Variants in COL21A1 observed in about 807,000 individuals in gnomAD.
The protein encoded by COL21A1 is collagen alpha-1(XXI) chain.
Under a neutral mutation model 137.9 loss-of-function variants are expected in COL21A1, and 149 were observed. The ratio of observed to expected loss-of-function variants is 1.08; its 90% CI spans 0.95 to 1.24. The LOEUF is 1.24. Among genes scored for constraint, COL21A1 ranks in the 50% most tolerant of loss-of-function variants. The pLI is 0.00. For synonymous variants in COL21A1, 456 were observed against 391.5 expected (o/e 1.16, Z -1.95); for missense variants, 1,167 against 1,158.4 (o/e 1.01, Z -0.11).
chr6:56,296,586 CTCTGGGT>C (rs1265351261), intron 1 of COL21A1, among the ~76,000 whole-genome samples: 1 of 152,012 alleles, frequency 6.6e-6, no homozygotes, highest in Non-Finnish European at 1.5e-5. Flanking sequence ...GTTTCATTCA[CTCTGGGT>C]TGTTAACATA....
intron 3 of COL21A1, among the ~76,000 whole-genome samples, chr6:56,177,327 T>C (rs1777562412): frequency 6.6e-6 from 1 of 152,126 alleles, no homozygotes; most frequent in Non-Finnish European, 1.5e-5. Flanking sequence ...ATAAACAGTA[T>C]TAGGAAATGG....
At chr6:56,342,549 T>G (rs143044820) in intron 1 of COL21A1, among the ~76,000 whole-genome samples, 133 of 152,330 alleles carry the variant, frequency 8.7e-4, no homozygotes, top group Non-Finnish European at 1.6e-3. Flanking sequence ...CCTTGCTTTA[T>G]GCTTTATATA....
intron 1 of COL21A1, among the ~76,000 whole-genome samples, chr6:56,322,996 A>G (rs1320106987): frequency 6.6e-6 from 1 of 152,034 alleles, no homozygotes; most frequent in East Asian, 1.9e-4. Context: ...AGAGTGGAAT[A>G]ATAGACACTG....
chr6:56,182,251 A>G (rs1777958151), intron 2 of COL21A1, among the ~76,000 whole-genome samples: 1 of 152,150 alleles, frequency 6.6e-6, no homozygotes, highest in Non-Finnish European at 1.5e-5. Flanking sequence ...CCTATCATGC[A>G]GTTCAAAAGT....
intron 1 of COL21A1, among the ~76,000 whole-genome samples, chr6:56,260,677 AAGGAAGGAAGGAAGGCAG>A: frequency 8.2e-6 from 1 of 121,766 alleles, no homozygotes; most frequent in African/African-American, 4.0e-5. Flanking sequence ...GGAAGGAAGG[AAGGAAGGAAGGAAGGCAG>A]GCAGGCAGGC....
chr6:56,338,637 C>T (rs138802631), intron 1 of COL21A1, among the ~76,000 whole-genome samples: 8 of 152,262 alleles, frequency 5.3e-5, no homozygotes, highest in South Asian at 2.1e-4. Context: ...AAGATTCAGG[C>T]GGAAGACCAG....
In COL21A1 at chr6:56,314,275, A is replaced by ATG. The variant is rs1764680588; in HGVS notation, c.-39+79695_-39+79696insCA. On this transcript the variant is annotated intron_variant, in intron 1 of 28. Coordinates refer to the COL21A1 transcript ENST00000370819. ...TGGGATTACAGGCGTGAGCCACCGC[A>ATG]CCTGGCCAGAAGGTATCCTTTTAAA... Among the ~76,000 whole-genome samples, 3 of 152,016 alleles carry ATG rather than the reference A, an allele frequency of 2.0e-5. No homozygotes were observed. The South Asian group carries it at 6.2e-4, about 32-fold the overall frequency.
chr6:56,380,021 A>G (rs1299155047), intron 1 of COL21A1, among the ~76,000 whole-genome samples: 2 of 152,134 alleles, frequency 1.3e-5, no homozygotes, highest in Non-Finnish European at 2.9e-5. Flanking sequence ...TGCAATCCCC[A>G]GTGTTGGAGG....
chr6:56,073,926 G>A (rs987001751), intron 20 of COL21A1, among the ~76,000 whole-genome samples: 33 of 151,332 alleles, frequency 2.2e-4, no homozygotes, highest in Admixed American at 9.3e-4. Flanking sequence ...TAGACTGGTG[G>A]TTTTGGCACT....
chr6:56,292,390 G>GACC (rs1764067584), intron 1 of COL21A1, among the ~76,000 whole-genome samples: 1 of 92,544 alleles, frequency 1.1e-5, no homozygotes, highest in Non-Finnish European at 2.5e-5. Context: ...ACAAAACAGG[G>GACC]ACCCCCCCCC....
intron 1 of COL21A1, among the ~76,000 whole-genome samples, chr6:56,319,898 T>C (rs1179996564): frequency 1.3e-5 from 2 of 152,118 alleles, no homozygotes. Flanking sequence ...TCCCTAAACT[T>C]AAACTTTGTG....
In COL21A1 at chr6:56,060,761, A is replaced by C; in HGVS notation, c.2387T>G (p.Val796Gly). The C allele has an allele frequency of 1.2e-6, 2 of 1,609,688 alleles. No individual in the cohort carries two copies. Among genetic ancestry groups the C allele is most frequent in the Non-Finnish European group, 1.7e-6 (2 of 1,178,850 alleles). ...CCTACCTCTTATTACATCTGTGCAA[A>C]CTTGTCGAATAAATTGTTCTGAAAA... ...REFSEQFIRQ[V>G]CTDVIRAQLP... Residue 796 changes from valine (V) to glycine (G), a missense_variant, in exon 27 of 30, where the codon GTT becomes GGT. By Grantham distance (109) the Val-to-Gly change is moderately radical (BLOSUM62 -3). Transcript: ENST00000244728.
intron 1 of COL21A1, among the ~76,000 whole-genome samples, chr6:56,200,312 T>A (rs563738004): frequency 3.9e-5 from 6 of 152,156 alleles, no homozygotes; most frequent in Non-Finnish European, 7.4e-5. Context: ...CTGCTTTTTT[T>A]AAATTATTAT....
intron 2 of COL21A1, among the ~76,000 whole-genome samples, chr6:56,180,960 G>C (rs1255025614): frequency 6.6e-6 from 1 of 152,106 alleles, no homozygotes; most frequent in East Asian, 1.9e-4. Flanking sequence ...CCTTTTATTA[G>C]AATGTCTTCC....
intron 1 of COL21A1, among the ~76,000 whole-genome samples, chr6:56,260,379 T>C (rs2152330466): frequency 6.6e-6 from 1 of 151,496 alleles, no homozygotes; most frequent in East Asian, 2.0e-4. Flanking sequence ...GGTCAGGAGT[T>C]TGGGACCAGC....
chr6:56,172,381 G>A (rs1777138531), intron 3 of COL21A1, among the ~76,000 whole-genome samples: 2 of 152,102 alleles, frequency 1.3e-5, no homozygotes, highest in Admixed American at 6.6e-5. Context: ...TATTCAAAGT[G>A]CTGAAAGGAA....
At chr6:56,130,165 T>TTTTATATA (rs1414609284) in intron 12 of COL21A1, among the ~76,000 whole-genome samples, 146 of 107,826 alleles carry the variant, frequency 1.4e-3, no homozygotes, top group African/African-American at 2.4e-3. Flanking sequence ...TGACAGGGTT[T>TTTTATATA]TATATATATA....
chr6:56,177,724 G>A (rs996262908), intron 3 of COL21A1, among the ~76,000 whole-genome samples: 4 of 146,192 alleles, frequency 2.7e-5, no homozygotes, highest in East Asian at 2.1e-4. Context: ...CCCGGGAGGC[G>A]GAGCTTGAAG....
At chr6:56,260,692 G>T (rs6459140) in intron 1 of COL21A1, among the ~76,000 whole-genome samples, 51,240 of 114,158 alleles carry the variant, frequency 0.45, 10,703 homozygotes, top group African/African-American at 0.59. Context: ...AGGAAGGAAG[G>T]CAGGCAGGCA....
Sources: gnomAD v4.1 joint callset for allele counts (sites outside exome capture counted in the v4.1 genomes callset) on GRCh38, gnomAD v4.1.1 for gene constraint, MANE v1.5 for transcripts, NCBI Gene and HGNC (gene_info 2026-07-23, HGNC 2026-07-21) for gene names.